ERFL: variants seen among roughly 807,000 people sequenced by gnomAD.
ERFL encodes the protein ETS domain-containing transcription factor ERF-like.
Under a neutral mutation model 27.9 loss-of-function variants are expected in ERFL, and 8 were observed. The ratio of observed to expected loss-of-function variants is 0.29; its 90% CI spans 0.17 to 0.52. ERFL has a LOEUF of 0.52. ERFL is among the 20% of genes least tolerant of loss of function. The pLI is 0.97. For synonymous variants in ERFL, 174 were observed against 202.8 expected (o/e 0.86, Z 1.21); for missense variants, 294 against 444.4 (o/e 0.66, Z 3.04).
Position 41,914,066 on chromosome 19 carries a change from G to A in ERFL, c.-13-1134C>T, listed in dbSNP as rs557575289. Among the ~76,000 whole-genome samples the A allele has an allele frequency of 9.3e-3, 299 of 32,022 alleles. 1 individual carries two copies. Among genetic ancestry groups the A allele is most frequent in the Middle Eastern group, 0.033 (1 of 30 alleles). The allele number at this position is 32,022 out of a possible 152,430, so 21.0% of individuals were successfully genotyped here. ...CTGGCAGCCCACACTGTGTTCCCCC[G>A]TGAGCCCCGCCTACCCCTGGACACT... On this transcript the variant is annotated intron_variant, in intron 1 of 5. Transcript: ENST00000597630.
intron 1 of ERFL, among the ~76,000 whole-genome samples, chr19:41,914,636 T>C (rs1555851616): frequency 3.7e-5 from 1 of 27,156 alleles, no homozygotes; most frequent in East Asian, 1.1e-3. Flanking sequence ...TCTGTCTCTG[T>C]CTCTCCCTCC....
chr19:41,908,077 C>CCT lies in ERFL; in HGVS notation c.*150_*151insAG, dbSNP rs142789626. ...GTGGAGGGGGAAGTGAGACCCCCCC[C>CCT]ACTCTGGGGCTGGGGAAGGAGACTG... On this transcript the variant is annotated 3_prime_UTR_variant, in exon 6 of 6. Coordinates refer to ENST00000597630, the MANE Select transcript of ERFL (RefSeq NM_001365103.2). The surrounding 1 kb of genome is among the most constrained non-coding windows in gnomAD (Gnocchi z 6.7). 5,461 of 519,710 alleles carry CCT rather than the reference C, an allele frequency of 0.011. 244 individuals carry two copies. The highest frequency in any genetic ancestry group is 0.096 in the African/African-American group (4,866 of 50,834). The allele number at this position is 519,710 out of a possible 1,614,324, so 32.2% of individuals were successfully genotyped here.
chr19:41,912,464 T>C (rs576312885), intron 2 of ERFL, among the ~76,000 whole-genome samples: 3 of 152,308 alleles, frequency 2.0e-5, no homozygotes, highest in African/African-American at 7.2e-5. Flanking sequence ...GTGCCGTCTG[T>C]CTACCTGTCC....
At chr19:41,918,506 A>T (rs1268973240) in intron 1 of ERFL, among the ~76,000 whole-genome samples, 1 of 148,960 alleles carries the variant, frequency 6.7e-6, no homozygotes, top group Non-Finnish European at 1.5e-5. Flanking sequence ...CATCACACAC[A>T]CACCACACAC....
intron 1 of ERFL, among the ~76,000 whole-genome samples, chr19:41,913,513 AG>A (rs1160508480): frequency 1.3e-5 from 2 of 149,536 alleles, no homozygotes; most frequent in East Asian, 4.0e-4. Context: ...GACGGGCTGC[AG>A]GGGGGCAGGC....
chr19:41,925,279 C>T (rs1159048770), intron 1 of ERFL, among the ~76,000 whole-genome samples: 2 of 151,904 alleles, frequency 1.3e-5, no homozygotes, highest in African/African-American at 4.8e-5. Context: ...CTGGTGTGAC[C>T]TTGTGCAGCA....
In ERFL at chr19:41,909,076, G is replaced by A; in HGVS notation, c.600C>T (p.Phe200=). Residue 200 remains phenylalanine (F), a synonymous_variant, in exon 5 of 6, where the codon TTC becomes TTT. Coordinates refer to ENST00000597630, the MANE Select transcript of ERFL (RefSeq NM_001365103.2). This position sits in a 1 kb window ranked among gnomAD's most constrained non-coding sequence, Gnocchi z 5.2. The part of the protein sequence containing the change: ...ETDKLRLDSP[F]PFLGSGATSY... The stretch of plus-strand genomic sequence containing the variant: ...GGCTCTTACCAGAGCCCAGGAATGG[G>A]AAAGGGCTGTCCAGACGCAATTTAT... The A allele has an allele frequency of 8.1e-7, 1 of 1,231,666 alleles. No homozygotes were observed. The highest frequency in any genetic ancestry group is 1.0e-6 in the Non-Finnish European group (1 of 987,962). 76.3% of individuals were successfully genotyped at this position (1,231,666 alleles called of 1,614,324 possible).
At chr19:41,911,200 C>CT (rs2074749451) in intron 2 of ERFL, among the ~76,000 whole-genome samples, 1 of 152,152 alleles carries the variant, frequency 6.6e-6, no homozygotes, top group East Asian at 1.9e-4. Context: ...ACTCCACTGT[C>CT]CACATACCCC....
At chr19:41,911,200 C>T (rs1270703404) in intron 2 of ERFL, among the ~76,000 whole-genome samples, 1 of 152,152 alleles carries the variant, frequency 6.6e-6, no homozygotes, top group African/African-American at 2.4e-5. Flanking sequence ...ACTCCACTGT[C>T]CACATACCCC....
Position 41,910,771 on chromosome 19 carries a change from A to G in ERFL, c.68-674T>C, listed in dbSNP as rs2074747294. Among the ~76,000 whole-genome samples the G allele has an allele frequency of 6.6e-6, 1 of 152,146 alleles. No individual in the cohort carries two copies. Among genetic ancestry groups the G allele is most frequent in the African/African-American group, 2.4e-5 (1 of 41,412 alleles). ...CCCACGGAAGACATGTCACACAGAC[A>G]TCAGTTCACTTGCCTGAGACACACA... is the stretch of plus-strand genomic sequence containing the variant. On this transcript the variant is annotated intron_variant, in intron 2 of 5. Transcript: ENST00000597630. This position sits in a 1 kb window ranked among gnomAD's most constrained non-coding sequence, Gnocchi z 4.4.
At position 41,916,099 on chromosome 19, in the gene ERFL, C is replaced by G. The variant is rs1265777996; in HGVS notation, c.-13-3167G>C. On this transcript the variant is annotated intron_variant, in intron 1 of 5. Transcript: ENST00000597630. The surrounding 1 kb of genome is among the most constrained non-coding windows in gnomAD (Gnocchi z 5.4). ...ATGTGAGCGAAGCGGTGTGCAGAGGCGCTGGGCAGGCGAGGGCCCTCCTCC... is the reference window on the plus strand; with the variant it reads ...ATGTGAGCGAAGCGGTGTGCAGAGGGGCTGGGCAGGCGAGGGCCCTCCTCC... Among the ~76,000 whole-genome samples the G allele has an allele frequency of 6.6e-6, 1 of 151,984 alleles. No individual in the cohort carries two copies. Among genetic ancestry groups the G allele is most frequent in the Non-Finnish European group, 1.5e-5 (1 of 67,984 alleles).
rs1227277855 is a variant in ERFL, at chr19:41,916,100, G to A, written c.-13-3168C>T. On this transcript the variant is annotated intron_variant, in intron 1 of 5. Transcript: ENST00000597630. The surrounding 1 kb of genome is among the most constrained non-coding windows in gnomAD (Gnocchi z 5.4). ...TGTGAGCGAAGCGGTGTGCAGAGGC[G>A]CTGGGCAGGCGAGGGCCCTCCTCCC... is the stretch of plus-strand genomic sequence containing the variant. Among the ~76,000 whole-genome samples, 5 of 151,914 alleles carry A rather than the reference G, an allele frequency of 3.3e-5. No individual in the cohort carries two copies. The highest frequency in any genetic ancestry group is 1.3e-4 in the Admixed American group (2 of 15,272).
intron 1 of ERFL, among the ~76,000 whole-genome samples, chr19:41,918,818 C>T (rs1373690719): frequency 6.7e-6 from 1 of 150,088 alleles, no homozygotes; most frequent in East Asian, 2.0e-4. Flanking sequence ...CACCACATCA[C>T]TCTCACATAC....
At chr19:41,914,928 C>G (rs150209399) in intron 1 of ERFL, among the ~76,000 whole-genome samples, 1 of 114,506 alleles carries the variant, frequency 8.7e-6, no homozygotes, top group Non-Finnish European at 1.9e-5. Flanking sequence ...CCACCATCTC[C>G]GTCTCTGTCT....
At chr19:41,918,922 CAT>C (rs2074820800) in intron 1 of ERFL, among the ~76,000 whole-genome samples, 2 of 150,978 alleles carry the variant, frequency 1.3e-5, no homozygotes, top group East Asian at 2.0e-4. Context: ...ACCACACACA[CAT>C]GCACACCACA....
In ERFL at chr19:41,910,715, C is replaced by T. The variant is rs1429618209; in HGVS notation, c.68-618G>A. 2.6e-5 allele frequency among the ~76,000 whole-genome samples: 4 copies of T among 152,136 alleles called. No individual in the cohort carries two copies. In the East Asian group the frequency reaches 5.8e-4, roughly 22 times the overall value. ...ATGTCCGTCCAAGAGCAGTCCAGAA[C>T]GATGTGTGTGTGTGCGTGGACACAC... On this transcript the variant is annotated intron_variant, in intron 2 of 5. Transcript: ENST00000597630. This position sits in a 1 kb window ranked among gnomAD's most constrained non-coding sequence, Gnocchi z 4.4.
At chr19:41,913,472 C>T (rs1230049367) in intron 1 of ERFL, among the ~76,000 whole-genome samples, 1 of 151,780 alleles carries the variant, frequency 6.6e-6, no homozygotes, top group Admixed American at 6.5e-5. Context: ...CTCTTCCAGC[C>T]CAGGCGCAGC....
chr19:41,918,970 CCA>C lies in ERFL; in HGVS notation c.-13-6040_-13-6039del, dbSNP rs369125007. 1.1e-3 allele frequency among the ~76,000 whole-genome samples: 162 copies of C among 150,240 alleles called. 1 individual carries two copies. Among genetic ancestry groups the C allele is most frequent in the African/African-American group, 3.1e-3 (127 of 40,906 alleles). On this transcript the variant is annotated intron_variant, in intron 1 of 5. Coordinates refer to ENST00000597630, the MANE Select transcript of ERFL (RefSeq NM_001365103.2). ...ACCATACACACATGCACACCACACACCACACACACACACACCGCATATACACC... is the reference window on the plus strand; with the variant it reads ...ACCATACACACATGCACACCACACACCACACACACACACCGCATATACACC...
chr19:41,922,006 C>T (rs1349365724), intron 1 of ERFL, among the ~76,000 whole-genome samples: 1 of 152,024 alleles, frequency 6.6e-6, no homozygotes, highest in Non-Finnish European at 1.5e-5. Context: ...TACCTCCACC[C>T]CCAGCCTCAC....
Sources: gnomAD v4.1 joint callset for allele counts (sites outside exome capture counted in the v4.1 genomes callset) on GRCh38, gnomAD v4.1.1 for gene constraint, Gnocchi (gnomAD v3.1) non-coding constraint, MANE v1.5 for transcripts, NCBI Gene and HGNC (gene_info 2026-07-23, HGNC 2026-07-21) for gene names.